Variants in MTUS1 observed in about 807,000 individuals in gnomAD.
MTUS1 encodes microtubule associated scaffold protein 1.
Under a neutral mutation model 120.8 loss-of-function variants are expected in MTUS1, and 109 were observed. The ratio of observed to expected loss-of-function variants is 0.90; its 90% confidence interval spans 0.77 to 1.06. MTUS1 has a LOEUF of 1.06. MTUS1 is among the 50% of genes least tolerant of loss of function. The pLI is 0.00. For missense variants in MTUS1, 2,210 were observed against 1,486.3 expected (o/e 1.49, Z -8.01); for synonymous variants, 737 against 550.5 (o/e 1.34, Z -4.74).
intron 6 of MTUS1, among the ~76,000 whole-genome samples, chr8:17,696,677 C>A (rs1489158013): frequency 6.6e-6 from 1 of 152,040 alleles, no homozygotes; most frequent in South Asian, 2.1e-4. Context: ...CAAACATAAA[C>A]CTCAGGGGAA....
intron 3 of MTUS1, among the ~76,000 whole-genome samples, chr8:17,735,895 A>T (rs1041081759): frequency 2.0e-5 from 3 of 152,244 alleles, no homozygotes; most frequent in Non-Finnish European, 4.4e-5. Flanking sequence ...TAATGAGCAT[A>T]CAGCACTATA....
At position 17,742,269 on chromosome 8, in the gene MTUS1, G is replaced by GTTTTTT. The variant is rs1210338239; in HGVS notation, c.2287+1329_2287+1334dup. Among the ~76,000 whole-genome samples the GTTTTTT allele has an allele frequency of 3.3e-4, 31 of 94,906 alleles. 1 individual carries two copies. Among genetic ancestry groups the GTTTTTT allele is most frequent in the East Asian group, 1.3e-3 (4 of 3,128 alleles). The allele number at this position is 94,906 out of a possible 152,430, so 62.3% of individuals were successfully genotyped here. A position where few individuals can be genotyped will look rare whatever the true frequency, so the allele number is the denominator to read the frequency against. ...CACCATCATGCTCTCATGCCCAGCT[G>GTTTTTT]TTTTTTTTTTTTGTTGTTGTTGTTT... On this transcript the variant is annotated intron_variant, in intron 3 of 14. Coordinates refer to ENST00000693296, the MANE Select transcript of MTUS1 (RefSeq NM_001363059.2).
intron 1 of MTUS1, among the ~76,000 whole-genome samples, chr8:17,771,645 A>C (rs1261968233): frequency 2.0e-5 from 3 of 152,234 alleles, no homozygotes; most frequent in Non-Finnish European, 4.4e-5. Flanking sequence ...CATGCCAAGA[A>C]GTCTTGCAAG....
rs2047502921 is a variant in MTUS1 at position 17,743,589 on chromosome 8, C to G, written c.2287+15G>C. On this transcript the variant is annotated intron_variant, in intron 3 of 14. Coordinates refer to ENST00000693296, the MANE Select transcript of MTUS1 (RefSeq NM_001363059.2). ...TTCAATTAACTCATAAACTATTGAA[C>G]TATTTTATTCTTACCAGAACTGGAC... is the stretch of plus-strand genomic sequence containing the variant. 6.3e-7 allele frequency: 1 copy of G among 1,599,798 alleles called. No homozygotes were observed. Among genetic ancestry groups the G allele is most frequent in the African/African-American group, 1.3e-5 (1 of 74,400 alleles).
rs1469617612 is a variant in MTUS1 at position 17,754,674 on chromosome 8, T to C, written c.1134A>G (p.Gln378=). 3 of 1,614,080 alleles carry C rather than the reference T, an allele frequency of 1.9e-6. No homozygotes were observed. Among genetic ancestry groups the C allele is most frequent in the East Asian group, 2.2e-5 (1 of 44,888 alleles). The change falls in exon 2 of 15, where the codon CAA becomes CAG. Residue 378 remains glutamine, a synonymous_variant. Transcript: ENST00000693296. Reference sequence around the variant, plus strand: ...CCAAATCCTTTCCTTTGGAGACCATTTGTGTGTCTTCAGTCTCAGTGACTT... The same window carrying C: ...CCAAATCCTTTCCTTTGGAGACCATCTGTGTGTCTTCAGTCTCAGTGACTT... ...EHKVTETEDT[Q]MVSKGKDLGT...
intron 1 of MTUS1, among the ~76,000 whole-genome samples, chr8:17,762,917 T>C (rs1411168901): frequency 1.3e-5 from 2 of 152,100 alleles, no homozygotes; most frequent in Non-Finnish European, 2.9e-5. Flanking sequence ...GGCAAAGAGC[T>C]TTGAGAAACA....
intron 1 of MTUS1, among the ~76,000 whole-genome samples, chr8:17,767,700 T>TAAAAAAA (rs112048837): frequency 0.015 from 1,303 of 87,648 alleles, 32 homozygotes; most frequent in African/African-American, 0.058. Context: ...CCCTGTCTCT[T>TAAAAAAA]AAAAAAAAAA....
chr8:17,741,862 G>A (rs2047343348), intron 3 of MTUS1, among the ~76,000 whole-genome samples: 1 of 152,120 alleles, frequency 6.6e-6, no homozygotes. Context: ...TAGATTCTCA[G>A]ACACTTACAC....
chr8:17,781,517 C>G (rs1480161466), intron 1 of MTUS1, among the ~76,000 whole-genome samples: 3 of 152,236 alleles, frequency 2.0e-5, no homozygotes, highest in Admixed American at 2.0e-4. Flanking sequence ...ATATTAAACA[C>G]AAGAGTTTCT....
chr8:17,705,870 C>G (rs1216347559), intron 6 of MTUS1: 1 of 152,230 alleles, frequency 6.6e-6, no homozygotes, highest in Non-Finnish European at 1.5e-5. Context: ...TGGATAAATA[C>G]AGCTCTGATG....
At chr8:17,760,098 C>T (rs1272899595) in intron 1 of MTUS1, among the ~76,000 whole-genome samples, 2 of 148,574 alleles carry the variant, frequency 1.3e-5, no homozygotes, top group Admixed American at 1.4e-4. Flanking sequence ...TGCCTGTAGT[C>T]CCAGCTGCTC....
chr8:17,794,920 C>T (rs1302270203), intron 1 of MTUS1, among the ~76,000 whole-genome samples: 1 of 152,154 alleles, frequency 6.6e-6, no homozygotes, highest in Non-Finnish European at 1.5e-5. Context: ...TTTACGAGGA[C>T]ATGCAGTTTC....
At chr8:17,670,926 G>A (rs546713113) in intron 8 of MTUS1, among the ~76,000 whole-genome samples, 2 of 152,264 alleles carry the variant, frequency 1.3e-5, no homozygotes, top group South Asian at 4.1e-4. Context: ...CCATTTAAAT[G>A]AGAATCTAGT....
intron 10 of MTUS1, chr8:17,653,750 A>AT: frequency 2.4e-6 from 1 of 415,776 alleles, no homozygotes; most frequent in Non-Finnish European, 4.2e-6. Flanking sequence ...CACAGAGGCC[A>AT]TGCGACCTTA....
chr8:17,728,782 TG>T (rs576055757), intron 3 of MTUS1, among the ~76,000 whole-genome samples: 1 of 126,276 alleles, frequency 7.9e-6, no homozygotes, highest in African/African-American at 3.0e-5. Context: ...AGATGTGGGT[TG>T]GGGGGGTCGG....
At chr8:17,721,965 A>ACGCT in intron 4 of MTUS1, 1 of 1,496,524 alleles carries the variant, frequency 6.7e-7, no homozygotes, top group Non-Finnish European at 8.9e-7. Context: ...CATATCCCTC[A>ACGCT]TGCTTGCTCT....
intron 1 of MTUS1, among the ~76,000 whole-genome samples, chr8:17,794,065 C>T (rs753389740): frequency 4.6e-5 from 7 of 152,114 alleles, no homozygotes; most frequent in Non-Finnish European, 8.8e-5. Context: ...CAGTGGCTCA[C>T]GTCTGTAGTC....
chr8:17,672,581 C>T (rs1162654144), intron 8 of MTUS1, among the ~76,000 whole-genome samples: 1 of 152,198 alleles, frequency 6.6e-6, no homozygotes, highest in African/African-American at 2.4e-5. Flanking sequence ...TCTTCCTGGA[C>T]CGCTTCATCA....
chr8:17,721,057 C>G (rs75428555), intron 4 of MTUS1, among the ~76,000 whole-genome samples: 3,065 of 152,248 alleles, frequency 0.02, 53 homozygotes, highest in Non-Finnish European at 0.033. Flanking sequence ...TACAACAGCA[C>G]TGTGTTATAT....
Sources: gnomAD v4.1 joint callset for allele counts (sites outside exome capture counted in the v4.1 genomes callset) on GRCh38, gnomAD v4.1.1 for gene constraint, MANE v1.5 for transcripts, NCBI Gene and HGNC (gene_info 2026-07-23, HGNC 2026-07-21) for gene names.